Variants in USP49 observed in about 807,000 individuals in gnomAD.
The protein encoded by USP49 is ubiquitin specific peptidase 49.
A neutral mutation model predicts 58.6 loss-of-function variants in USP49; 24 were observed. That is an observed-to-expected ratio of 0.41 (90% confidence interval 0.30 to 0.58). The LOEUF (loss-of-function observed/expected upper bound fraction) is 0.58. USP49 is among the 20% of genes least tolerant of loss of function. The pLI is 0.30. For missense variants in USP49, 703 were observed against 866.1 expected, an observed-to-expected ratio of 0.81 and a Z score of 2.36; for synonymous variants, 408 against 365.1, an observed-to-expected ratio of 1.12 and a Z score of -1.34.
At chr6:41,872,114 A>G (rs1774420944) in intron 2 of USP49, among the ~76,000 whole-genome samples, 1 of 152,244 alleles carries the variant, frequency 6.6e-6, no homozygotes, top group Non-Finnish European at 1.5e-5. Context: ...ATGCTTCTTT[A>G]AAAGCGGTAT....
At chr6:41,817,290 G>A (rs1582000338) in intron 3 of USP49, among the ~76,000 whole-genome samples, 1 of 150,286 alleles carries the variant, frequency 6.7e-6, no homozygotes, top group Admixed American at 6.7e-5. Flanking sequence ...TGGGACTACA[G>A]GCACACACCA....
intron 2 of USP49, among the ~76,000 whole-genome samples, chr6:41,880,852 T>C (rs907320632): frequency 7.9e-5 from 12 of 152,038 alleles, no homozygotes; most frequent in South Asian, 2.1e-4. Flanking sequence ...ATACCCAGGA[T>C]ACGAGGGGAA....
chr6:41,881,077 C>T (rs977368895), intron 2 of USP49, among the ~76,000 whole-genome samples: 2 of 151,648 alleles, frequency 1.3e-5, no homozygotes, highest in African/African-American at 2.4e-5. Context: ...GGATTACAGG[C>T]GCCTGCCACC....
At chr6:41,802,381 A>G (rs931880346) in intron 5 of USP49, among the ~76,000 whole-genome samples, 1 of 101,998 alleles carries the variant, frequency 9.8e-6, no homozygotes, top group African/African-American at 3.6e-5. Flanking sequence ...GTTTCCCACA[A>G]TTTATTTTAT....
At chr6:41,895,135 G>A (rs1376779981) in intron 1 of USP49, among the ~76,000 whole-genome samples, 189 bp downstream of exon 1, 1 of 149,580 alleles carries the variant, frequency 6.7e-6, no homozygotes, top group Non-Finnish European at 1.5e-5. Context: ...CTCACCCGGT[G>A]TGTGAGGATT....
chr6:41,806,507 G>T lies in USP49; in HGVS notation c.477C>A (p.Phe159Leu). The T allele has an allele frequency of 6.3e-7, 1 of 1,598,806 alleles. No homozygotes were observed. Among genetic ancestry groups the T allele is most frequent in the South Asian group, 1.1e-5 (1 of 90,968 alleles). ...RLLARTLRLWFEKSSRGQAKL... is the reference protein window; with the variant it reads ...RLLARTLRLWLEKSSRGQAKL... Reference sequence around the variant, plus strand: ...TCGCCTGGCCCCGGGAGCTCTTCTCGAACCACAGCCGCAGCGTCCTGGCCA... The same window carrying T: ...TCGCCTGGCCCCGGGAGCTCTTCTCTAACCACAGCCGCAGCGTCCTGGCCA... The change falls in exon 4 of 8, where the codon TTC becomes TTA. Residue 159 changes from phenylalanine to leucine, a missense_variant. This residue lies in a region of USP49 where 376 missense variants were observed against 373.5 expected (regional missense o/e 1.01). Coordinates refer to ENST00000682992, the MANE Select transcript of USP49 (RefSeq NM_001286554.2). The surrounding 1 kb of genome is among the most constrained non-coding windows in gnomAD (Gnocchi z 5.9).
At chr6:41,859,130 T>TTCTC (rs891571014) in intron 3 of USP49, among the ~76,000 whole-genome samples, 4 of 152,212 alleles carry the variant, frequency 2.6e-5, no homozygotes, top group African/African-American at 9.7e-5. Flanking sequence ...AAATATGTCA[T>TTCTC]TCTCACTGCC....
chr6:41,800,084 T>C (rs558308527), intron 5 of USP49, 146 bp from the exon 6 acceptor site: 154 of 657,292 alleles, frequency 2.3e-4, no homozygotes, highest in Non-Finnish European at 3.9e-4. Flanking sequence ...TGTGACACTC[T>C]TTATGACTGC....
chr6:41,851,597 C>A (rs536746189), intron 3 of USP49, among the ~76,000 whole-genome samples: 14 of 152,336 alleles, frequency 9.2e-5, no homozygotes, highest in African/African-American at 3.4e-4. Flanking sequence ...CACACTCTCA[C>A]TACTTCTATT....
chr6:41,796,338 G>A lies in USP49; in HGVS notation c.*195C>T. On this transcript the variant is annotated 3_prime_UTR_variant, in exon 8 of 8. Coordinates refer to ENST00000682992, the MANE Select transcript of USP49 (RefSeq NM_001286554.2). ...GTTACTTCTTTTGTTTTTAGGAAAGGAGGGAACTCCCAAACTCATTCAAAA... is the reference window on the plus strand; with the variant it reads ...GTTACTTCTTTTGTTTTTAGGAAAGAAGGGAACTCCCAAACTCATTCAAAA... 2.0e-6 allele frequency: 1 copy of A among 508,078 alleles called. No individual in the cohort carries two copies. Among genetic ancestry groups the A allele is most frequent in the Non-Finnish European group, 3.5e-6 (1 of 284,680 alleles). The allele number at this position is 508,078 out of a possible 1,614,324, so 31.5% of individuals were successfully genotyped here.
rs192438668 is a variant in USP49 at position 41,806,517 on chromosome 6, C to T, written c.467G>A (p.Arg156Gln). Residue 156 changes from arginine to glutamine, a missense_variant, in exon 4 of 8, where the codon CGG (arginine) becomes CAG (glutamine). Transcript: ENST00000682992. The surrounding 1 kb of genome is among the most constrained non-coding windows in gnomAD (Gnocchi z 5.9). ...CCGGGAGCTCTTCTCGAACCACAGCCGCAGCGTCCTGGCCAGCAGGCGCTG... is the reference window on the plus strand; with the variant it reads ...CCGGGAGCTCTTCTCGAACCACAGCTGCAGCGTCCTGGCCAGCAGGCGCTG... Reference protein sequence around the residue: ...RRQRLLARTLRLWFEKSSRGQ... With the variant: ...RRQRLLARTLQLWFEKSSRGQ... 6.4e-4 allele frequency: 1,025 copies of T among 1,599,322 alleles called. 3 individuals carry two copies. Among genetic ancestry groups the T allele is most frequent in the Non-Finnish European group, 5.8e-4 (685 of 1,179,420 alleles).
intron 3 of USP49, among the ~76,000 whole-genome samples, chr6:41,838,301 A>G (rs750320733): frequency 1.3e-5 from 2 of 152,238 alleles, no homozygotes; most frequent in African/African-American, 4.8e-5. Flanking sequence ...CACTGCTAGC[A>G]TAACCAGCAT....
At chr6:41,872,574 C>CAT (rs1361120178) in intron 2 of USP49, among the ~76,000 whole-genome samples, 15 of 151,220 alleles carry the variant, frequency 9.9e-5, no homozygotes, top group East Asian at 3.9e-4. Context: ...AATTGGAGTA[C>CAT]ATATATATAT....
intron 5 of USP49, among the ~76,000 whole-genome samples, chr6:41,801,285 A>G (rs1210697212): frequency 6.6e-6 from 1 of 152,212 alleles, no homozygotes; most frequent in African/African-American, 2.4e-5. Flanking sequence ...TGTTGATATC[A>G]TGGGCTCAGT....
At chr6:41,864,406 A>G (rs910755014) in intron 3 of USP49, among the ~76,000 whole-genome samples, 1 of 151,856 alleles carries the variant, frequency 6.6e-6, no homozygotes, top group Non-Finnish European at 1.5e-5. Flanking sequence ...CTACTAAAAA[A>G]ACAAAAATTA....
intron 3 of USP49, among the ~76,000 whole-genome samples, chr6:41,859,010 A>G (rs909073575): frequency 1.3e-5 from 2 of 152,206 alleles, no homozygotes; most frequent in African/African-American, 4.8e-5. Context: ...AGAATGAATA[A>G]AACTACCTCC....
chr6:41,859,273 A>G (rs2253961), intron 3 of USP49, among the ~76,000 whole-genome samples: 67,575 of 151,978 alleles, frequency 0.44, 15,293 homozygotes, highest in Middle Eastern at 0.51. Flanking sequence ...AAGTTCCCCA[A>G]AGGAACTATT....
intron 2 of USP49, among the ~76,000 whole-genome samples, chr6:41,880,091 C>T (rs764768508): frequency 1.3e-5 from 2 of 151,874 alleles, no homozygotes; most frequent in African/African-American, 2.4e-5. Flanking sequence ...CAGAGAAGAG[C>T]TAGTCCATCT....
At chr6:41,833,632 T>C in intron 3 of USP49, among the ~76,000 whole-genome samples, 1 of 152,212 alleles carries the variant, frequency 6.6e-6, no homozygotes, top group East Asian at 1.9e-4. Flanking sequence ...AAAATAACTA[T>C]ACCAAACCTT....
Sources: allele counts gnomAD v4.1 joint callset (sites outside exome capture counted in the v4.1 genomes callset), GRCh38; gene constraint gnomAD v4.1.1; regional missense constraint gnomAD v4.1.1; non-coding constraint Gnocchi (gnomAD v3.1); transcripts MANE v1.5; gene names NCBI Gene and HGNC (gene_info 2026-07-23, HGNC 2026-07-21).